DOCK7: variants seen among roughly 807,000 people sequenced by gnomAD.
DOCK7 encodes the protein dedicator of cytokinesis 7.
In DOCK7, 138 loss-of-function variants were observed where a neutral mutation model predicts 271.0. The observed-to-expected ratio is 0.51, with a 90% CI of 0.44 to 0.59. DOCK7 has a LOEUF of 0.59. Among genes scored for constraint, DOCK7 ranks in the 20% least tolerant of loss-of-function variants. The pLI is 0.00. For missense variants in DOCK7, 2,066 were observed against 2,592.4 expected (o/e 0.80, Z 4.41); for synonymous variants, 823 against 876.1 (o/e 0.94, Z 1.07).
At position 62,559,065 on chromosome 1, in the gene DOCK7, C is replaced by T. The variant is rs202200051; in HGVS notation, c.2355G>A (p.Val785=). Reference sequence around the variant, plus strand: ...CTAGCAGAAGATGAAGAAATCGGACCACTGGTTCCAGCTGGGATGAATTCA... The same window carrying T: ...CTAGCAGAAGATGAAGAAATCGGACTACTGGTTCCAGCTGGGATGAATTCA... ...SALNSSQLEP[V]VRFLHLLLDK... is the part of the protein sequence containing the mutation. Residue 785 remains valine (V), a synonymous_variant, in exon 20 of 50, where the codon GTG becomes GTA. Coordinates refer to ENST00000635253, the MANE Select transcript of DOCK7 (RefSeq NM_001367561.1). 1.9e-5 allele frequency: 30 copies of T among 1,613,798 alleles called. No individual in the cohort carries two copies. The East Asian group carries it at 4.5e-4, about 24-fold the overall frequency.
At chr1:62,527,783 C>T (rs1238261322) in intron 31 of DOCK7, among the ~76,000 whole-genome samples, 1 of 148,860 alleles carries the variant, frequency 6.7e-6, no homozygotes, top group Non-Finnish European at 1.5e-5. Context: ...TGTTAAATGA[C>T]GAGTTACTGG....
chr1:62,488,861 C>T (rs1646374529), intron 42 of DOCK7, 73 bp downstream of exon 42: 2 of 1,573,036 alleles, frequency 1.3e-6, no homozygotes, highest in Non-Finnish European at 8.7e-7. Flanking sequence ...AGTTTGACAT[C>T]AGTGCAAAAC....
intron 1 of DOCK7, among the ~76,000 whole-genome samples, chr1:62,673,920 A>G (rs188690469): frequency 1.4e-5 from 2 of 139,676 alleles, no homozygotes; most frequent in East Asian, 4.9e-4. Flanking sequence ...GGAGAGAGGA[A>G]GGAAAAGGGA....
intron 22 of DOCK7, among the ~76,000 whole-genome samples, chr1:62,548,763 GA>G (rs1645796563): frequency 6.6e-6 from 1 of 152,166 alleles, no homozygotes; most frequent in African/African-American, 2.4e-5. Context: ...GCTATGTTGT[GA>G]ACAGAGCACA....
At chr1:62,600,686 T>C (rs1649982526) in intron 14 of DOCK7, among the ~76,000 whole-genome samples, 1 of 151,788 alleles carries the variant, frequency 6.6e-6, no homozygotes, top group East Asian at 1.9e-4. Context: ...ATTATGTCTT[T>C]ATCACAGGTC....
At chr1:62,456,055 A>C (rs1292974113) in intron 49 of DOCK7, among the ~76,000 whole-genome samples, 1 of 152,222 alleles carries the variant, frequency 6.6e-6, no homozygotes. Flanking sequence ...CTTAATGCCT[A>C]TGTTCTCACA....
At chr1:62,625,928 A>G (rs952719945) in intron 11 of DOCK7, among the ~76,000 whole-genome samples, 5 of 152,230 alleles carry the variant, frequency 3.3e-5, no homozygotes, top group African/African-American at 1.2e-4. Flanking sequence ...ACTAAGCAAG[A>G]GCAGAATATA....
chr1:62,541,761 C>T (rs1036785965), intron 25 of DOCK7, among the ~76,000 whole-genome samples: 3 of 152,058 alleles, frequency 2.0e-5, no homozygotes, highest in Non-Finnish European at 2.9e-5. Context: ...GTGGGGGAGT[C>T]GGTTCCCCTA....
intron 41 of DOCK7, chr1:62,492,376 C>T (rs1207267847): frequency 4.0e-6 from 1 of 247,742 alleles, no homozygotes; most frequent in Non-Finnish European, 7.7e-6. Flanking sequence ...GCAGCCTCAA[C>T]CTCTTGGGCT....
At chr1:62,681,058 T>G (rs1661067860) in intron 1 of DOCK7, among the ~76,000 whole-genome samples, 1 of 152,160 alleles carries the variant, frequency 6.6e-6, no homozygotes, top group Non-Finnish European at 1.5e-5. Context: ...GGATTATAAA[T>G]CATTCTGCTA....
intron 14 of DOCK7, among the ~76,000 whole-genome samples, chr1:62,602,664 A>T (rs1553181881): frequency 6.6e-6 from 1 of 151,690 alleles, no homozygotes; most frequent in Non-Finnish European, 1.5e-5. Flanking sequence ...ATTAAAGACA[A>T]TTTTGATTAA....
In DOCK7 at chr1:62,498,092, T is replaced by A. The variant is rs535067267; in HGVS notation, c.4765-1595A>T. Among the ~76,000 whole-genome samples, 318 of 151,892 alleles carry A rather than the reference T, an allele frequency of 2.1e-3. 2 individuals carry two copies. The highest frequency in any genetic ancestry group is 7.3e-3 in the African/African-American group (304 of 41,452). On this transcript the variant is annotated intron_variant, in intron 37 of 49. Coordinates refer to ENST00000635253, the MANE Select transcript of DOCK7 (RefSeq NM_001367561.1). The stretch of plus-strand genomic sequence containing the variant: ...GCATGTCTACGAAATTTTTTTTTTT[T>A]AATTAGCTAGATGTAGTGGTACATG...
Position 62,552,665 on chromosome 1 carries a change from C to T in DOCK7, c.2766+67G>A. The T allele has an allele frequency of 2.7e-6, 4 of 1,461,356 alleles. No individual in the cohort carries two copies. In the South Asian group the frequency reaches 4.3e-5, roughly 16 times the overall value. 90.5% of individuals were successfully genotyped at this position (1,461,356 alleles called of 1,614,324 possible). The stretch of plus-strand genomic sequence containing the variant: ...TCTCAAAATTCAGAATACATTACAA[C>T]AACTGGATATTTCTCGTTTGTTCAC... On this transcript the variant is annotated intron_variant, in intron 22 of 49. Transcript: ENST00000635253.
At chr1:62,543,176 T>C (rs1336561744) in intron 24 of DOCK7, 1 of 154,220 alleles carries the variant, frequency 6.5e-6, no homozygotes, top group East Asian at 1.9e-4. Flanking sequence ...TAGCAGAAGA[T>C]TTCTGCCTTA....
chr1:62,639,593 C>A (rs1655742478), intron 7 of DOCK7, among the ~76,000 whole-genome samples: 1 of 151,848 alleles, frequency 6.6e-6, no homozygotes, highest in South Asian at 2.1e-4. Flanking sequence ...TGCCACCACA[C>A]CCAGCCAATT....
chr1:62,662,952 T>C (rs1387063766), intron 2 of DOCK7, 73 bp downstream of exon 2: 3 of 1,236,236 alleles, frequency 2.4e-6, no homozygotes, highest in African/African-American at 3.0e-5. Context: ...TTAGCTCTTA[T>C]CTTTCCACTA....
chr1:62,487,263 C>A (rs1646321585), intron 43 of DOCK7, 135 bp downstream of exon 43: 1 of 788,088 alleles, frequency 1.3e-6, no homozygotes, highest in African/African-American at 1.7e-5. Flanking sequence ...AACAAAATTT[C>A]TTTGGTTAAT....
intron 30 of DOCK7, among the ~76,000 whole-genome samples, chr1:62,528,575 A>T (rs1645082184): frequency 6.6e-6 from 1 of 152,226 alleles, no homozygotes; most frequent in Non-Finnish European, 1.5e-5. Context: ...TTAGTGATCA[A>T]AATACTTGAA....
intron 41 of DOCK7, among the ~76,000 whole-genome samples, chr1:62,491,877 G>T (rs1646476783): frequency 6.6e-6 from 1 of 152,164 alleles, no homozygotes; most frequent in African/African-American, 2.4e-5. Context: ...AAAAAAATCT[G>T]CTACAAATCA....
Sources: gnomAD v4.1 joint callset for allele counts (sites outside exome capture counted in the v4.1 genomes callset) on GRCh38, gnomAD v4.1.1 for gene constraint, MANE v1.5 for transcripts, NCBI Gene and HGNC (gene_info 2026-07-23, HGNC 2026-07-21) for gene names.